Variants in GALNTL6 observed in about 807,000 individuals in gnomAD.
The protein encoded by GALNTL6 is polypeptide N-acetylgalactosaminyltransferase like 6, also known as polypeptide N-acetylgalactosaminyltransferase-like 6.
GALNTL6 carries 46 observed loss-of-function variants against 73.7 expected under a neutral mutation model. The observed-to-expected ratio is 0.62, with a 90% CI of 0.49 to 0.80. GALNTL6 has a LOEUF of 0.80. Among genes scored for constraint, GALNTL6 ranks in the 30% least tolerant of loss-of-function variants. The pLI is 0.00. For synonymous variants in GALNTL6, 259 were observed against 263.7 expected (o/e 0.98, Z 0.17); for missense variants, 604 against 755.0 (o/e 0.80, Z 2.34).
At chr4:171,968,264 G>T (rs332979) in intron 2 of GALNTL6, among the ~76,000 whole-genome samples, 61,618 of 151,896 alleles carry the variant, frequency 0.41, 13,042 homozygotes, top group Middle Eastern at 0.54. Context: ...CAACAGAAGT[G>T]TATTTTCTCC....
At chr4:172,293,633 G>A (rs1739550581) in intron 3 of GALNTL6, among the ~76,000 whole-genome samples, 1 of 151,900 alleles carries the variant, frequency 6.6e-6, no homozygotes, top group South Asian at 2.1e-4. Context: ...TGGTCATATT[G>A]CCTATGTGGG....
chr4:172,053,564 C>G (rs1422244580), intron 2 of GALNTL6, among the ~76,000 whole-genome samples: 1 of 152,100 alleles, frequency 6.6e-6, no homozygotes, highest in African/African-American at 2.4e-5. Flanking sequence ...GGCAGAGAAA[C>G]AAAGGGTTTT....
intron 5 of GALNTL6, among the ~76,000 whole-genome samples, chr4:172,575,559 G>A (rs112815095): frequency 9.5e-4 from 144 of 152,236 alleles, no homozygotes; most frequent in African/African-American, 2.6e-3. Flanking sequence ...TCAAATTCTC[G>A]CTGCCTCTGC....
chr4:172,262,088 A>T (rs1160675257), intron 3 of GALNTL6, among the ~76,000 whole-genome samples: 1 of 151,380 alleles, frequency 6.6e-6, no homozygotes, highest in African/African-American at 2.4e-5. Flanking sequence ...CCATGTGCTT[A>T]AAAAGAAAAT....
intron 5 of GALNTL6, among the ~76,000 whole-genome samples, chr4:172,738,365 G>T (rs2111410583): frequency 6.6e-6 from 1 of 152,226 alleles, no homozygotes; most frequent in Admixed American, 6.5e-5. Context: ...CTGGGTTGTT[G>T]CTGTTGAAGA....
intron 11 of GALNTL6, among the ~76,000 whole-genome samples, chr4:173,014,373 C>A (rs962522426): frequency 6.6e-6 from 1 of 152,008 alleles, no homozygotes; most frequent in African/African-American, 2.4e-5. Flanking sequence ...CGGGGAGGAA[C>A]CCCCTTGGTC....
At chr4:172,177,735 A>G (rs1048180529) in intron 2 of GALNTL6, among the ~76,000 whole-genome samples, 2 of 147,130 alleles carry the variant, frequency 1.4e-5, no homozygotes, top group African/African-American at 5.1e-5. Flanking sequence ...GTATATATAT[A>G]TACACATGTG....
intron 5 of GALNTL6, among the ~76,000 whole-genome samples, chr4:172,375,012 A>G (rs1466910097): frequency 1.3e-5 from 2 of 152,182 alleles, no homozygotes; most frequent in Middle Eastern, 3.2e-3. Context: ...TGAAGAGGAC[A>G]TAACCGATAG....
intron 2 of GALNTL6, among the ~76,000 whole-genome samples, chr4:172,200,920 G>T (rs1735930066): frequency 6.6e-6 from 1 of 152,154 alleles, no homozygotes; most frequent in South Asian, 2.1e-4. Flanking sequence ...AGAGCTTAAT[G>T]CAATGCTGGG....
intron 2 of GALNTL6, among the ~76,000 whole-genome samples, chr4:171,962,954 G>C (rs996086762): frequency 6.6e-6 from 1 of 151,540 alleles, no homozygotes; most frequent in African/African-American, 2.4e-5. Flanking sequence ...TTTTAATAGA[G>C]ACGGGGTTTC....
chr4:171,943,560 A>G (rs1738613427), intron 2 of GALNTL6, among the ~76,000 whole-genome samples: 1 of 152,198 alleles, frequency 6.6e-6, no homozygotes, highest in African/African-American at 2.4e-5. Flanking sequence ...CTACTAGTAG[A>G]CATGCTAGAC....
intron 3 of GALNTL6, among the ~76,000 whole-genome samples, chr4:172,297,609 A>G (rs1578924822): frequency 6.6e-6 from 1 of 152,190 alleles, no homozygotes; most frequent in South Asian, 2.1e-4. Flanking sequence ...TAAATAGGGA[A>G]TCCTTTCCCC....
chr4:172,464,372 T>C (rs115751434), intron 5 of GALNTL6, among the ~76,000 whole-genome samples: 4,419 of 152,188 alleles, frequency 0.029, 88 homozygotes, highest in Non-Finnish European at 0.048. Context: ...ATTAAGTACT[T>C]CCTATTGATA....
intron 2 of GALNTL6, among the ~76,000 whole-genome samples, chr4:172,062,554 A>T (rs943997635): frequency 6.6e-6 from 1 of 152,244 alleles, no homozygotes; most frequent in African/African-American, 2.4e-5. Flanking sequence ...ATATAATGAA[A>T]GAAGGTTGGT....
chr4:172,938,980 C>G (rs1748771528), intron 9 of GALNTL6, among the ~76,000 whole-genome samples: 1 of 152,208 alleles, frequency 6.6e-6, no homozygotes. Context: ...TATATGTTTG[C>G]TTCTCTCCTG....
At chr4:172,052,560 T>A in intron 2 of GALNTL6, 1 of 1,477,460 alleles carries the variant, frequency 6.8e-7, no homozygotes, top group Non-Finnish European at 9.1e-7. Context: ...ACGGCTGCAG[T>A]GCAGACCAAG....
chr4:172,173,204 G>A (rs1033350576), intron 2 of GALNTL6, among the ~76,000 whole-genome samples: 3 of 152,120 alleles, frequency 2.0e-5, no homozygotes, highest in Admixed American at 1.3e-4. Flanking sequence ...GCACATTATC[G>A]GGGCAACATG....
intron 5 of GALNTL6, among the ~76,000 whole-genome samples, chr4:172,528,317 AAAAT>A (rs1491281445): frequency 8.4e-6 from 1 of 118,532 alleles, no homozygotes; most frequent in African/African-American, 3.4e-5. Flanking sequence ...TGCTAGAAAT[AAAAT>A]ATATATATAT....
Position 172,113,925 on chromosome 4 carries a change from C to T in GALNTL6, c.139-115731C>T, listed in dbSNP as rs138111659. 7.8e-3 allele frequency among the ~76,000 whole-genome samples: 1,181 copies of T among 152,194 alleles called. 8 individuals carry two copies. The highest frequency in any genetic ancestry group is 0.013 in the Non-Finnish European group (875 of 67,958). On this transcript the variant is annotated intron_variant, in intron 2 of 12. Coordinates refer to ENST00000506823, the MANE Select transcript of GALNTL6 (RefSeq NM_001034845.3). The stretch of plus-strand genomic sequence containing the variant: ...TGTTTTACAAACAAAATTACAACTA[C>T]TCAATCTCTTCAATTTTGACAATGT...
Sources: allele counts gnomAD v4.1 joint callset (sites outside exome capture counted in the v4.1 genomes callset), GRCh38; gene constraint gnomAD v4.1.1; transcripts MANE v1.5; gene names NCBI Gene and HGNC (gene_info 2026-07-23, HGNC 2026-07-21).